Variants in FANCC observed in about 807,000 individuals in gnomAD.
The protein encoded by FANCC is Fanconi anemia group C protein.
FANCC carries 55 observed loss-of-function variants against 71.3 expected under a neutral mutation model. The ratio of observed to expected loss-of-function variants is 0.77; its 90% CI spans 0.62 to 0.97. The LOEUF is 0.97. Ranked by LOEUF, FANCC falls within the 50% of genes least tolerant of loss-of-function variation. The pLI is 0.00. For synonymous variants in FANCC, 275 were observed against 244.9 expected (o/e 1.12, Z -1.15); for missense variants, 678 against 670.9 (o/e 1.01, Z -0.12).
In FANCC at chr9:95,221,126, G is replaced by A. The variant is rs117581881; in HGVS notation, c.345+19523C>T. On this transcript the variant is annotated intron_variant, in intron 4 of 14. Coordinates refer to ENST00000289081, the MANE Select transcript of FANCC (RefSeq NM_000136.3). Reference sequence around the variant, plus strand: ...ATGCACCTGTAGTCCCAGCTACTCCGGAAGGCTGAGGCAGGGGAATCGCTT... The same window carrying A: ...ATGCACCTGTAGTCCCAGCTACTCCAGAAGGCTGAGGCAGGGGAATCGCTT... Among the ~76,000 whole-genome samples, 484 of 152,112 alleles carry A rather than the reference G, an allele frequency of 3.2e-3. 10 individuals carry two copies. The South Asian group carries it at 0.044, about 14-fold the overall frequency.
At chr9:95,203,961 G>A (rs1365431127) in intron 4 of FANCC, among the ~76,000 whole-genome samples, 1 of 152,180 alleles carries the variant, frequency 6.6e-6, no homozygotes, top group Non-Finnish European at 1.5e-5. Context: ...AGACCCCAGA[G>A]TCCTTGGACC....
intron 8 of FANCC, among the ~76,000 whole-genome samples, chr9:95,132,082 G>T (rs960447218): frequency 6.6e-6 from 1 of 152,164 alleles, no homozygotes; most frequent in African/African-American, 2.4e-5. Context: ...CCTCCTGGGC[G>T]CCTCCTCTGC....
intron 8 of FANCC, among the ~76,000 whole-genome samples, chr9:95,129,782 C>T (rs1259445057): frequency 6.6e-6 from 1 of 152,136 alleles, no homozygotes; most frequent in Non-Finnish European, 1.5e-5. Context: ...CCTTATCTCC[C>T]CCCTCAGGCT....
At chr9:95,152,976 T>C (rs1001879593) in intron 6 of FANCC, among the ~76,000 whole-genome samples, 3 of 152,250 alleles carry the variant, frequency 2.0e-5, no homozygotes, top group Admixed American at 6.5e-5. Context: ...TAAGCAAGTT[T>C]ACAGATTTGT....
intron 4 of FANCC, among the ~76,000 whole-genome samples, chr9:95,187,481 C>T (rs920058306): frequency 3.9e-5 from 6 of 152,214 alleles, no homozygotes; most frequent in African/African-American, 9.6e-5. Context: ...GACTGAAAAC[C>T]GGAGGGCCTA....
chr9:95,114,473 C>T (rs1205121805), intron 12 of FANCC, 156 bp downstream of exon 12: 14 of 754,186 alleles, frequency 1.9e-5, no homozygotes, highest in Admixed American at 1.7e-4. Context: ...TGCAGCCATG[C>T]GCTTCCTCCA....
chr9:95,205,856 A>G (rs1828089724), intron 4 of FANCC, among the ~76,000 whole-genome samples: 2 of 152,198 alleles, frequency 1.3e-5, no homozygotes, highest in South Asian at 2.1e-4. Context: ...AGATGACTCA[A>G]ATTTTCATTT....
intron 4 of FANCC, among the ~76,000 whole-genome samples, chr9:95,211,861 G>GA (rs577133841): frequency 0.012 from 1,235 of 105,994 alleles, 6 homozygotes; most frequent in African/African-American, 0.02. Context: ...TGAATGGTAA[G>GA]AAAAAAAAAA....
In FANCC at chr9:95,188,931, C is replaced by A. The variant is rs188205073; in HGVS notation, c.346-16784G>T. On this transcript the variant is annotated intron_variant, in intron 4 of 14. Coordinates refer to ENST00000289081, the MANE Select transcript of FANCC (RefSeq NM_000136.3). ...TAATTAAAAAATTACACATAAGTTA[C>A]AAATGATATTTTAAGTTCAAAAAAA... Among the ~76,000 whole-genome samples the A allele has an allele frequency of 4.5e-3, 686 of 152,254 alleles. 6 individuals carry two copies. The highest frequency in any genetic ancestry group is 7.8e-3 in the Non-Finnish European group (529 of 68,028).
intron 4 of FANCC, among the ~76,000 whole-genome samples, chr9:95,215,375 GGA>G (rs1438341246): frequency 1.3e-5 from 2 of 152,018 alleles, no homozygotes; most frequent in African/African-American, 4.8e-5. Flanking sequence ...AGAGGGAGAT[GGA>G]GAGAGGGAGA....
At chr9:95,192,799 A>C (rs182642707) in intron 4 of FANCC, among the ~76,000 whole-genome samples, 184 of 152,270 alleles carry the variant, frequency 1.2e-3, no homozygotes, top group African/African-American at 4.2e-3. Flanking sequence ...GCTTTTTCCT[A>C]TACGGTTTCA....
intron 4 of FANCC, among the ~76,000 whole-genome samples, chr9:95,183,671 T>C (rs1826518330): frequency 6.6e-6 from 1 of 152,170 alleles, no homozygotes; most frequent in African/African-American, 2.4e-5. Flanking sequence ...ACACCAATGA[T>C]GATGTACTTT....
chr9:95,249,262 A>G lies in FANCC; in HGVS notation c.30T>C (p.Cys10=). The G allele has an allele frequency of 6.2e-7, 1 of 1,614,158 alleles. No homozygotes were observed. The highest frequency in any genetic ancestry group is 8.5e-7 in the Non-Finnish European group (1 of 1,180,024). Residue 10 remains cysteine, a synonymous_variant, in exon 2 of 15, where the codon TGT becomes TGC. Coordinates refer to ENST00000289081, the MANE Select transcript of FANCC (RefSeq NM_000136.3). The part of the protein sequence containing the change: MAQDSVDLS[C]DYQFWMQKLS... ...GCTTCTGCATCCAAAACTGATAATCACAAGAAAGATCTACTGAATCTTGAG... is the reference window on the plus strand; with the variant it reads ...GCTTCTGCATCCAAAACTGATAATCGCAAGAAAGATCTACTGAATCTTGAG...
intron 4 of FANCC, among the ~76,000 whole-genome samples, chr9:95,175,778 C>T (rs1308211540): frequency 1.3e-5 from 2 of 152,260 alleles, no homozygotes; most frequent in Non-Finnish European, 2.9e-5. Context: ...GAGCCTGAAT[C>T]CCCAGTGGGG....
At chr9:95,111,234 G>T (rs531401634) in intron 13 of FANCC, 2 of 1,537,412 alleles carry the variant, frequency 1.3e-6, no homozygotes, top group African/African-American at 2.7e-5. Flanking sequence ...CGTTTTGCAG[G>T]AGAATGGGCT....
chr9:95,257,398 C>T (rs1831730745), intron 1 of FANCC, among the ~76,000 whole-genome samples: 1 of 152,190 alleles, frequency 6.6e-6, no homozygotes, highest in East Asian at 1.9e-4. Context: ...TGCACAACTA[C>T]ATGGAAACTG....
At chr9:95,266,165 T>G (rs1832373523) in intron 1 of FANCC, among the ~76,000 whole-genome samples, 1 of 152,226 alleles carries the variant, frequency 6.6e-6, no homozygotes, top group South Asian at 2.1e-4. Flanking sequence ...CAGTATTATC[T>G]AAAGTCATTC....
chr9:95,301,240 A>T (rs943774426), intron 1 of FANCC, among the ~76,000 whole-genome samples: 4 of 152,016 alleles, frequency 2.6e-5, no homozygotes, highest in Non-Finnish European at 5.9e-5. Flanking sequence ...TTAACAGTGC[A>T]TGAAGAATAT....
At chr9:95,298,016 G>A (rs1230829206) in intron 1 of FANCC, among the ~76,000 whole-genome samples, 3 of 152,128 alleles carry the variant, frequency 2.0e-5, no homozygotes, top group Admixed American at 6.5e-5. Flanking sequence ...GCATTAAAGT[G>A]ATATACTCAG....
Sources: gnomAD v4.1 joint callset for allele counts (sites outside exome capture counted in the v4.1 genomes callset) on GRCh38, gnomAD v4.1.1 for gene constraint, MANE v1.5 for transcripts, NCBI Gene and HGNC (gene_info 2026-07-23, HGNC 2026-07-21) for gene names.